The following MAGI3 variants were observed in gnomAD, a reference collection of about 807,000 sequenced individuals.
MAGI3 encodes the protein membrane-associated guanylate kinase, WW and PDZ domain-containing protein 3.
Under a neutral mutation model 121.8 loss-of-function variants are expected in MAGI3, and 43 were observed. That is an observed-to-expected ratio of 0.35 (90% CI 0.28 to 0.46). The LOEUF (loss-of-function observed/expected upper bound fraction) is 0.46, where lower values mean the gene tolerates loss of function less well. MAGI3 is among the 20% of genes least tolerant of loss of function. The probability of loss-of-function intolerance (pLI) is 1.00; values close to 1 mark genes in which losing one functional copy is unlikely to be tolerated. For missense variants in MAGI3, 1,547 were observed against 1,797.3 expected (o/e 0.86, Z 2.52); for synonymous variants, 553 against 639.3 (o/e 0.86, Z 2.04).
At chr1:113,510,364 T>TTC (rs1342426061) in intron 1 of MAGI3, among the ~76,000 whole-genome samples, 2 of 151,348 alleles carry the variant, frequency 1.3e-5, no homozygotes, top group African/African-American at 4.9e-5. Flanking sequence ...ACTTTTTTTT[T>TTC]TTTTTTTTTA....
intron 6 of MAGI3, among the ~76,000 whole-genome samples, chr1:113,608,372 C>T (rs917902505): frequency 6.6e-6 from 1 of 152,194 alleles, no homozygotes; most frequent in Non-Finnish European, 1.5e-5. Flanking sequence ...ATAATAAGCC[C>T]GTCTTCATTC....
Position 113,390,907 on chromosome 1 carries a change from G to T in MAGI3, c.-127G>T. On this transcript the variant is annotated 5_prime_UTR_variant, in exon 1 of 21. Transcript: ENST00000307546. Reference sequence around the variant, plus strand: ...CAGCGGGCTGTGGTCGCGGGGTGGGGGCCGGAGCGGCGAGGCCCCCCTTAC... The same window carrying T: ...CAGCGGGCTGTGGTCGCGGGGTGGGTGCCGGAGCGGCGAGGCCCCCCTTAC... 1.7e-6 allele frequency: 1 copy of T among 601,178 alleles called. No homozygotes were observed. The highest frequency in any genetic ancestry group is 2.3e-6 in the Non-Finnish European group (1 of 430,020). 37.2% of individuals were successfully genotyped at this position (601,178 alleles called of 1,614,324 possible).
In MAGI3 at chr1:113,635,192, T is replaced by C. The variant is rs1306993738; in HGVS notation, c.1361-6719T>C. On this transcript the variant is annotated intron_variant, in intron 9 of 20. Transcript: ENST00000307546. ...TGCAAACAGGGACAATTTGAGTTCC[T>C]CTTTTCCTAATTGAATACCCTTTAT... 2.0e-5 allele frequency among the ~76,000 whole-genome samples: 3 copies of C among 152,338 alleles called. No individual in the cohort carries two copies. In the East Asian group the frequency reaches 5.8e-4, roughly 29 times the overall value.
rs139735902 is a variant in MAGI3, at chr1:113,505,984, G to GA, written c.317-43530dup. On this transcript the variant is annotated intron_variant, in intron 1 of 20. Transcript: ENST00000307546. ...AGGGTTATGAGCACTGGAAGATTAT[G>GA]ACATTGGAGGCTGTGCTAATTTGGA... 1.8e-3 allele frequency among the ~76,000 whole-genome samples: 272 copies of GA among 152,270 alleles called. 3 individuals carry two copies. The highest frequency in any genetic ancestry group is 3.1e-3 in the Admixed American group (47 of 15,296).
At chr1:113,574,752 G>A (rs577829728) in intron 2 of MAGI3, among the ~76,000 whole-genome samples, 1 of 152,264 alleles carries the variant, frequency 6.6e-6, no homozygotes, top group East Asian at 1.9e-4. Context: ...GGTTGCGGAG[G>A]TTCTCCTGGA....
chr1:113,490,947 C>T (rs1313052041), intron 1 of MAGI3, among the ~76,000 whole-genome samples: 1 of 152,102 alleles, frequency 6.6e-6, no homozygotes, highest in Non-Finnish European at 1.5e-5. Flanking sequence ...AAGTTTAATA[C>T]CCCACTGACA....
chr1:113,673,250 A>C, intron 18 of MAGI3, 72 bp from the exon 19 acceptor site: 1 of 1,493,772 alleles, frequency 6.7e-7, no homozygotes. Flanking sequence ...CCAGCTATAG[A>C]AGTAATCTTT....
At position 113,422,893 on chromosome 1, in the gene MAGI3, G is replaced by A. The variant is rs1557748843; in HGVS notation, c.316+31544G>A. On this transcript the variant is annotated intron_variant, in intron 1 of 20. Transcript: ENST00000307546. The surrounding 1 kb of genome is among the most constrained non-coding windows in gnomAD (Gnocchi z 4.3). ...GCTACTTCCCATTGCATGTGTGGCT[G>A]CCTGGTGCGGTGGAGGGCGGGAGGG... Among the ~76,000 whole-genome samples the A allele has an allele frequency of 6.6e-6, 1 of 152,194 alleles. No individual in the cohort carries two copies. The highest frequency in any genetic ancestry group is 1.5e-5 in the Non-Finnish European group (1 of 68,042).
At chr1:113,526,359 G>T (rs1474635928) in intron 1 of MAGI3, among the ~76,000 whole-genome samples, 1 of 152,190 alleles carries the variant, frequency 6.6e-6, no homozygotes, top group Non-Finnish European at 1.5e-5. Flanking sequence ...TAGTATCTGT[G>T]TATAGACATA....
chr1:113,551,823 G>T (rs912211339), intron 2 of MAGI3, among the ~76,000 whole-genome samples: 1 of 151,818 alleles, frequency 6.6e-6, no homozygotes, highest in African/African-American at 2.4e-5. Flanking sequence ...AGGAAGGTTT[G>T]TAGGGATCTT....
chr1:113,510,125 G>A (rs1657541733), intron 1 of MAGI3, among the ~76,000 whole-genome samples: 1 of 152,106 alleles, frequency 6.6e-6, no homozygotes, highest in Non-Finnish European at 1.5e-5. Context: ...TTGTTTATGA[G>A]AGTTATGGTT....
chr1:113,635,413 T>C (rs1651941313), intron 9 of MAGI3, among the ~76,000 whole-genome samples: 1 of 152,002 alleles, frequency 6.6e-6, no homozygotes, highest in Non-Finnish European at 1.5e-5. Flanking sequence ...AATACCTAAT[T>C]TATTGAGAGT....
At chr1:113,544,536 A>G (rs556735995) in intron 1 of MAGI3, among the ~76,000 whole-genome samples, 12 of 152,358 alleles carry the variant, frequency 7.9e-5, no homozygotes, top group African/African-American at 2.4e-4. Flanking sequence ...GGTGTACAAA[A>G]TGCCCTGAAC....
chr1:113,543,903 A>G (rs1162409629), intron 1 of MAGI3, among the ~76,000 whole-genome samples: 1 of 151,700 alleles, frequency 6.6e-6, no homozygotes, highest in East Asian at 1.9e-4. Flanking sequence ...TGATTAACTT[A>G]TTCTATTTTC....
At chr1:113,505,179 C>G (rs1657255907) in intron 1 of MAGI3, among the ~76,000 whole-genome samples, 1 of 152,014 alleles carries the variant, frequency 6.6e-6, no homozygotes, top group African/African-American at 2.4e-5. Flanking sequence ...GAATGGAACT[C>G]AAAGAGCAAG....
chr1:113,683,017 A>T lies in MAGI3; in HGVS notation c.3449A>T (p.Glu1150Val). The T allele has an allele frequency of 6.2e-7, 1 of 1,614,020 alleles. No homozygotes were observed. The highest frequency in any genetic ancestry group is 8.5e-7 in the Non-Finnish European group (1 of 1,179,894). Reference sequence around the variant, plus strand: ...GAGTCTCACGTGCCAGTAATTGAAGAATCTTTGAGAGTTCAGATATGTGAA... The same window carrying T: ...GAGTCTCACGTGCCAGTAATTGAAGTATCTTTGAGAGTTCAGATATGTGAA... The part of the protein sequence containing the change: ...FEESHVPVIE[E>V]SLRVQICEKA... The change falls in exon 21 of 21, where the codon GAA becomes GTA. Residue 1150 changes from glutamate (E) to valine (V), a missense_variant. Transcript: ENST00000307546.
chr1:113,454,260 G>C (rs1455487438), intron 1 of MAGI3, among the ~76,000 whole-genome samples: 1 of 152,022 alleles, frequency 6.6e-6, no homozygotes, highest in Non-Finnish European at 1.5e-5. Flanking sequence ...CTTCCTTTAG[G>C]GGTAGCTTAG....
intron 20 of MAGI3, 47 bp from the exon 21 acceptor site, chr1:113,682,850 T>G: frequency 6.7e-7 from 1 of 1,493,612 alleles, no homozygotes; most frequent in East Asian, 2.3e-5. Context: ...TTGTTCCTAT[T>G]TGTAATTCTA....
chr1:113,477,124 G>A (rs766137330), intron 1 of MAGI3, among the ~76,000 whole-genome samples: 2 of 151,048 alleles, frequency 1.3e-5, no homozygotes, highest in East Asian at 3.9e-4. Flanking sequence ...GTGCATCTTT[G>A]CACATGAGAT....
Sources: gnomAD v4.1 joint callset for allele counts (sites outside exome capture counted in the v4.1 genomes callset) on GRCh38, gnomAD v4.1.1 for gene constraint, Gnocchi (gnomAD v3.1) non-coding constraint, MANE v1.5 for transcripts, NCBI Gene and HGNC (gene_info 2026-07-23, HGNC 2026-07-21) for gene names.